The following DPYD variants were observed in gnomAD, a reference collection of about 807,000 sequenced individuals.
DPYD encodes dihydropyrimidine dehydrogenase [NADP(+)].
Under a neutral mutation model 116.2 loss-of-function variants are expected in DPYD, and 109 were observed. The observed-to-expected ratio is 0.94, with a 90% CI of 0.80 to 1.10. The LOEUF is 1.10. Ranked by LOEUF, DPYD falls within the 50% of genes least tolerant of loss-of-function variation. The probability of loss-of-function intolerance (pLI) is 0.00; values close to 1 mark genes in which losing one functional copy is unlikely to be tolerated. For synonymous variants in DPYD, 440 were observed against 432.0 expected, an observed-to-expected ratio of 1.02 and a Z score of -0.23; for missense variants, 1,302 against 1,254.5, an observed-to-expected ratio of 1.04 and a Z score of -0.57.
At chr1:97,900,410 A>T (rs956911755) in intron 1 of DPYD, among the ~76,000 whole-genome samples, 22 of 151,888 alleles carry the variant, frequency 1.4e-4, no homozygotes, top group Admixed American at 7.2e-4. Flanking sequence ...AGGTATGGGA[A>T]GGACTGATAG....
At chr1:97,585,684 T>C (rs1654044031) in intron 10 of DPYD, among the ~76,000 whole-genome samples, 1 of 152,202 alleles carries the variant, frequency 6.6e-6, no homozygotes, top group African/African-American at 2.4e-5. Context: ...CTAATGTGTG[T>C]TTAATAGATT....
At chr1:97,592,586 C>T (rs1369645578) in intron 10 of DPYD, among the ~76,000 whole-genome samples, 5 of 152,290 alleles carry the variant, frequency 3.3e-5, no homozygotes, top group African/African-American at 9.6e-5. Context: ...TCAGGATGGT[C>T]TTGATCTCCT....
chr1:97,658,674 A>C (rs868209735), intron 8 of DPYD, among the ~76,000 whole-genome samples: 1 of 152,078 alleles, frequency 6.6e-6, no homozygotes, highest in Non-Finnish European at 1.5e-5. Context: ...GCCCATCTCC[A>C]CATGTCCAGT....
intron 1 of DPYD, among the ~76,000 whole-genome samples, chr1:97,885,048 G>GA (rs1484530385): frequency 6.6e-6 from 1 of 151,922 alleles, no homozygotes; most frequent in East Asian, 1.9e-4. Context: ...GAAGTGTAGT[G>GA]AAAATGGAAT....
intron 19 of DPYD, among the ~76,000 whole-genome samples, chr1:97,211,197 T>C (rs1484515986): frequency 1.3e-5 from 2 of 152,194 alleles, no homozygotes; most frequent in African/African-American, 4.8e-5. Flanking sequence ...CAAGCTTATT[T>C]CTGCCTTAGG....
At chr1:97,298,179 G>A (rs141724496) in intron 18 of DPYD, among the ~76,000 whole-genome samples, 8 of 152,250 alleles carry the variant, frequency 5.3e-5, no homozygotes, top group South Asian at 2.1e-4. Context: ...TAAAATGCTC[G>A]ATGATACTAA....
chr1:97,134,690 T>C (rs1653651866), intron 20 of DPYD, among the ~76,000 whole-genome samples: 1 of 152,192 alleles, frequency 6.6e-6, no homozygotes, highest in African/African-American at 2.4e-5. Context: ...TTGACACGAC[T>C]TTCTGAAGTT....
At chr1:97,358,392 G>C (rs1287414564) in intron 16 of DPYD, among the ~76,000 whole-genome samples, 1 of 152,230 alleles carries the variant, frequency 6.6e-6, no homozygotes, top group Non-Finnish European at 1.5e-5. Flanking sequence ...TGAACAAAAG[G>C]CAGCAGAAAC....
chr1:97,529,687 TCTTTCTTTC>T (rs1009128218), intron 12 of DPYD, among the ~76,000 whole-genome samples: 7 of 150,972 alleles, frequency 4.6e-5, no homozygotes, highest in Non-Finnish European at 1.0e-4. Context: ...TCTTTTCTTT[TCTTTCTTTC>T]CTTTCTTTTT....
intron 14 of DPYD, among the ~76,000 whole-genome samples, chr1:97,429,412 C>T (rs994824819): frequency 2.6e-5 from 4 of 152,004 alleles, no homozygotes; most frequent in Admixed American, 6.6e-5. Flanking sequence ...ATACATTCAT[C>T]TGCCTTAATC....
chr1:97,145,743 GT>G (rs370793517), intron 20 of DPYD, among the ~76,000 whole-genome samples: 51,962 of 128,818 alleles, frequency 0.4, 10,164 homozygotes, highest in East Asian at 0.65. Flanking sequence ...AATTGTGTGG[GT>G]TTTTTTTTTT....
At chr1:97,296,973 C>T (rs779970089) in intron 18 of DPYD, among the ~76,000 whole-genome samples, 3 of 152,036 alleles carry the variant, frequency 2.0e-5, no homozygotes, top group Non-Finnish European at 4.4e-5. Context: ...TTCATATTTG[C>T]AAAACATGGG....
At chr1:97,562,735 T>C (rs1652238900) in intron 11 of DPYD, among the ~76,000 whole-genome samples, 1 of 152,182 alleles carries the variant, frequency 6.6e-6, no homozygotes, top group Admixed American at 6.5e-5. Context: ...TCTTATTTTT[T>C]TGAGATGGAG....
chr1:97,817,470 C>T (rs1482178339), intron 3 of DPYD, among the ~76,000 whole-genome samples: 1 of 151,924 alleles, frequency 6.6e-6, no homozygotes, highest in African/African-American at 2.4e-5. Flanking sequence ...AATATTATAA[C>T]TAAATGTCAA....
intron 3 of DPYD, among the ~76,000 whole-genome samples, chr1:97,777,473 A>G (rs758346580): frequency 1.3e-5 from 2 of 152,214 alleles, no homozygotes; most frequent in East Asian, 1.9e-4. Flanking sequence ...TAAAAGTGCC[A>G]GAAGGGACCT....
intron 20 of DPYD, among the ~76,000 whole-genome samples, chr1:97,186,070 AT>A (rs1481216703): frequency 1.1e-4 from 17 of 152,292 alleles, no homozygotes; most frequent in Middle Eastern, 3.4e-3. Flanking sequence ...AACTGTCATT[AT>A]GCTTTTGGTA....
At chr1:97,654,056 A>G (rs746725466) in intron 8 of DPYD, among the ~76,000 whole-genome samples, 3 of 152,104 alleles carry the variant, frequency 2.0e-5, no homozygotes, top group Non-Finnish European at 4.4e-5. Flanking sequence ...ACAGTTTATA[A>G]CCCCCACCTT....
chr1:97,808,235 T>C (rs1668174364), intron 3 of DPYD, among the ~76,000 whole-genome samples: 1 of 152,198 alleles, frequency 6.6e-6, no homozygotes, highest in Non-Finnish European at 1.5e-5. Flanking sequence ...TGAGTATTCC[T>C]GTCCAGAAAC....
At chr1:97,779,065 T>A (rs1328369328) in intron 3 of DPYD, among the ~76,000 whole-genome samples, 2 of 152,224 alleles carry the variant, frequency 1.3e-5, no homozygotes, top group African/African-American at 4.8e-5. Context: ...ATTTTTAAGT[T>A]ATTAGCTCTA....
Sources: gnomAD v4.1 joint callset for allele counts (sites outside exome capture counted in the v4.1 genomes callset) on GRCh38, gnomAD v4.1.1 for gene constraint, MANE v1.5 for transcripts, NCBI Gene and HGNC (gene_info 2026-07-23, HGNC 2026-07-21) for gene names.